The following HHAT variants were observed in gnomAD, a reference collection of about 807,000 sequenced individuals.
HHAT encodes the protein hedgehog acyltransferase, also known as protein-cysteine N-palmitoyltransferase HHAT.
Under a neutral mutation model 70.8 loss-of-function variants are expected in HHAT, and 47 were observed. The observed-to-expected ratio is 0.66, with a 90% CI of 0.53 to 0.85. The LOEUF is 0.85. Ranked by LOEUF, HHAT falls within the 40% of genes least tolerant of loss-of-function variation. The probability of loss-of-function intolerance (pLI) is 0.00; values close to 1 mark genes in which losing one functional copy is unlikely to be tolerated. For synonymous variants in HHAT, 228 were observed against 247.6 expected (o/e 0.92, Z 0.74); for missense variants, 609 against 604.8 (o/e 1.01, Z -0.07).
At chr1:210,571,699 G>A (rs538053554) in intron 9 of HHAT, among the ~76,000 whole-genome samples, 2 of 152,124 alleles carry the variant, frequency 1.3e-5, no homozygotes, top group African/African-American at 4.8e-5. Context: ...CCATCAGTAC[G>A]GTGCACTTCT....
At chr1:210,340,725 A>G (rs1349886872) in intron 1 of HHAT, among the ~76,000 whole-genome samples, 1 of 152,098 alleles carries the variant, frequency 6.6e-6, no homozygotes, top group Non-Finnish European at 1.5e-5. Flanking sequence ...TTTATCAGAG[A>G]GTGTCTAACG....
chr1:210,505,950 A>T (rs1172226984), intron 8 of HHAT, among the ~76,000 whole-genome samples: 1 of 152,160 alleles, frequency 6.6e-6, no homozygotes, highest in Non-Finnish European at 1.5e-5. Context: ...GGGAGGAAGG[A>T]CAGTACCCCA....
At chr1:210,636,773 AT>A (rs1464386218) in intron 11 of HHAT, among the ~76,000 whole-genome samples, 1 of 148,310 alleles carries the variant, frequency 6.7e-6, no homozygotes, top group African/African-American at 2.6e-5. Flanking sequence ...CAATTGAAAC[AT>A]CTAAGGTATG....
chr1:210,441,828 A>G (rs2093516502), intron 7 of HHAT, among the ~76,000 whole-genome samples: 1 of 151,730 alleles, frequency 6.6e-6, no homozygotes, highest in Non-Finnish European at 1.5e-5. Flanking sequence ...ATATATGTAC[A>G]CACACATATA....
At chr1:210,463,166 A>G (rs892661300) in intron 7 of HHAT, among the ~76,000 whole-genome samples, 4 of 136,426 alleles carry the variant, frequency 2.9e-5, no homozygotes, top group African/African-American at 8.3e-5. Flanking sequence ...AAAGAGCTTT[A>G]TTGGAAGATA....
Position 210,418,341 on chromosome 1 carries a change from A to AC in HHAT, c.856+18dup. Reference sequence around the variant, plus strand: ...TGGACCTTAGGTAATTGTGGGAATCACCAACAGTGGGATGAGCCCCAATAG... The same window carrying AC: ...TGGACCTTAGGTAATTGTGGGAATCACCCAACAGTGGGATGAGCCCCAATAG... On this transcript the variant is annotated intron_variant, in intron 7 of 11. Transcript: ENST00000261458. 1.3e-6 allele frequency: 2 copies of AC among 1,563,350 alleles called. No individual in the cohort carries two copies. The highest frequency in any genetic ancestry group is 4.5e-5 in the East Asian group (2 of 44,270).
At chr1:210,357,749 G>A (rs2087802535) in intron 2 of HHAT, among the ~76,000 whole-genome samples, 1 of 152,196 alleles carries the variant, frequency 6.6e-6, no homozygotes, top group Non-Finnish European at 1.5e-5. Flanking sequence ...GAACCCGGGA[G>A]GTGGAGCTTG....
chr1:210,343,650 G>A (rs538579275), intron 1 of HHAT, among the ~76,000 whole-genome samples: 1 of 152,316 alleles, frequency 6.6e-6, no homozygotes, highest in African/African-American at 2.4e-5. Context: ...TGGTGAGGAA[G>A]AGGCACCGGG....
intron 9 of HHAT, among the ~76,000 whole-genome samples, chr1:210,586,113 A>G (rs1486480035): frequency 6.6e-6 from 1 of 152,052 alleles, no homozygotes; most frequent in Non-Finnish European, 1.5e-5. Context: ...TTATTGCCTG[A>G]TAAGTTGTTT....
intron 3 of HHAT, among the ~76,000 whole-genome samples, chr1:210,371,909 C>T (rs1286238912): frequency 2.0e-5 from 3 of 152,188 alleles, no homozygotes; most frequent in African/African-American, 4.8e-5. Flanking sequence ...TGAAGACATT[C>T]CCACTGTTGA....
At chr1:210,329,322 G>A (rs893331226) in intron 1 of HHAT, 5 of 1,215,928 alleles carry the variant, frequency 4.1e-6, no homozygotes, top group Non-Finnish European at 5.1e-6. Context: ...CAAAGGCGGG[G>A]ATCTAGGCGC....
At chr1:210,374,197 G>T (rs374876885) in intron 3 of HHAT, 2 of 152,244 alleles carry the variant, frequency 1.3e-5, no homozygotes, top group East Asian at 3.9e-4. Flanking sequence ...GCTTATAACT[G>T]ATTTGTTTCT....
chr1:210,616,061 C>A (rs758017122), intron 10 of HHAT, among the ~76,000 whole-genome samples: 50 of 152,246 alleles, frequency 3.3e-4, no homozygotes, highest in Non-Finnish European at 6.3e-4. Context: ...AACTGCCCCC[C>A]ACTTTAAAAA....
chr1:210,503,484 A>C (rs1461310801), intron 8 of HHAT, among the ~76,000 whole-genome samples: 1 of 152,184 alleles, frequency 6.6e-6, no homozygotes, highest in Non-Finnish European at 1.5e-5. Context: ...ATACTCTTGA[A>C]AATTTTCTCT....
At chr1:210,527,818 A>G (rs1241270309) in intron 9 of HHAT, among the ~76,000 whole-genome samples, 1 of 152,206 alleles carries the variant, frequency 6.6e-6, no homozygotes, top group African/African-American at 2.4e-5. Flanking sequence ...TTTATTAGCA[A>G]ATATTTAATA....
chr1:210,563,146 A>G (rs1011204665), intron 9 of HHAT, among the ~76,000 whole-genome samples: 5 of 152,098 alleles, frequency 3.3e-5, no homozygotes, highest in African/African-American at 1.2e-4. Flanking sequence ...CTTCTGGGTC[A>G]AGTGATTCCG....
At chr1:210,609,305 C>A (rs1218238363) in intron 10 of HHAT, among the ~76,000 whole-genome samples, 1 of 151,990 alleles carries the variant, frequency 6.6e-6, no homozygotes, top group Non-Finnish European at 1.5e-5. Context: ...TATATATCTT[C>A]TTATTTATTT....
At chr1:210,485,026 CA>C (rs772235917) in intron 8 of HHAT, among the ~76,000 whole-genome samples, 7 of 152,146 alleles carry the variant, frequency 4.6e-5, no homozygotes, top group Non-Finnish European at 8.8e-5. Context: ...GCTAGAGGTT[CA>C]TGGGGTCTCT....
At chr1:210,427,183 T>C (rs2093089259) in intron 7 of HHAT, among the ~76,000 whole-genome samples, 1 of 152,168 alleles carries the variant, frequency 6.6e-6, no homozygotes, top group African/African-American at 2.4e-5. Flanking sequence ...AATATCCCCC[T>C]TGTTTCTTAT....
Sources: gnomAD v4.1 joint callset for allele counts (sites outside exome capture counted in the v4.1 genomes callset) on GRCh38, gnomAD v4.1.1 for gene constraint, MANE v1.5 for transcripts, NCBI Gene and HGNC (gene_info 2026-07-23, HGNC 2026-07-21) for gene names.